TLR6: variants seen among roughly 807,000 people sequenced by gnomAD.
The protein encoded by TLR6 is toll-like receptor 6.
TLR6 carries 9 observed loss-of-function variants against 16.1 expected under a neutral mutation model. The observed-to-expected ratio is 0.56, with a 90% CI of 0.34 to 0.98. The LOEUF is 0.98. Among genes scored for constraint, TLR6 ranks in the 50% least tolerant of loss-of-function variants. The pLI, the probability that TLR6 is intolerant of heterozygous loss-of-function variation, is 0.02. For synonymous variants in TLR6, 340 were observed against 338.6 expected (o/e 1.00, Z -0.04); for missense variants, 786 against 921.0 (o/e 0.85, Z 1.90).
Position 38,838,483 on chromosome 4 carries a change from T to C in TLR6, c.-64-8946A>G, listed in dbSNP as rs373486826. On this transcript the variant is annotated intron_variant, in intron 1 of 1. Transcript: ENST00000436693. The stretch of plus-strand genomic sequence containing the variant: ...CCTGGAGGTCATTACATTAGCAAAA[T>C]AAGCCAGGCACAGAAAGGCAAATAT... Among the ~76,000 whole-genome samples, 114 of 152,262 alleles carry C rather than the reference T, an allele frequency of 7.5e-4. 2 individuals carry two copies. The South Asian group carries it at 0.023, about 30-fold the overall frequency.
chr4:38,824,565 C>A (rs1224868600), exon 2 of TLR6: 1 of 151,862 alleles, frequency 6.6e-6, no homozygotes, highest in Non-Finnish European at 1.5e-5. Flanking sequence ...TTTTTTTTGT[C>A]GTTGTTGTTA....
In TLR6 at chr4:38,856,799, A is replaced by C. The variant is rs1333317944; in HGVS notation, c.-103T>G. On this transcript the variant is annotated 5_prime_UTR_variant, in exon 1 of 2. It adds an upstream start codon to the 5' untranslated region. Coordinates refer to ENST00000436693, the Ensembl canonical transcript of TLR6. ...TCAGAAGAAGAGAAAATAACTTGTA[A>C]ATGAACGGAAATACAATTGAAAATG... The C allele has an allele frequency of 6.6e-6, 1 of 151,680 alleles. No individual in the cohort carries two copies. Among genetic ancestry groups the C allele is most frequent in the Non-Finnish European group, 1.5e-5 (1 of 68,042 alleles). 9.4% of individuals were successfully genotyped at this position (151,680 alleles called of 1,614,324 possible).
At chr4:38,842,826 G>A (rs916241386) in intron 1 of TLR6, among the ~76,000 whole-genome samples, 1 of 151,812 alleles carries the variant, frequency 6.6e-6, no homozygotes, top group Non-Finnish European at 1.5e-5. Context: ...AAACATTCGG[G>A]CCATAGCAAT....
chr4:38,851,225 G>A (rs191202957), intron 1 of TLR6, among the ~76,000 whole-genome samples: 31 of 152,170 alleles, frequency 2.0e-4, no homozygotes, highest in Non-Finnish European at 3.2e-4. Context: ...TTGATGGGAC[G>A]TATCTCAAAA....
At position 38,839,309 on chromosome 4, in the gene TLR6, T is replaced by TAA. The variant is rs148750205; in HGVS notation, c.-64-9773_-64-9772insTT. Among the ~76,000 whole-genome samples, 790 of 119,312 alleles carry TAA rather than the reference T, an allele frequency of 6.6e-3. 8 individuals are homozygous for TAA. The highest frequency in any genetic ancestry group is 0.032 in the African/African-American group (728 of 22,420). 78.3% of individuals were successfully genotyped at this position (119,312 alleles called of 152,430 possible). A position where few individuals can be genotyped will look rare whatever the true frequency, so the allele number is the denominator to read the frequency against. On this transcript the variant is annotated intron_variant, in intron 1 of 1. Transcript: ENST00000436693. Reference sequence around the variant, plus strand: ...AAAAATAAAGTCTATTGATTTTTTTTTAAAAAAAATTAATAGAAATGGAAA... The same window carrying TAA: ...AAAAATAAAGTCTATTGATTTTTTTTAATAAAAAAAATTAATAGAAATGGAAA...
rs5743796 is a variant in TLR6 at position 38,830,778 on chromosome 4, T to G, written c.-64-1241A>C. Among the ~76,000 whole-genome samples, 91 of 152,110 alleles carry G rather than the reference T, an allele frequency of 6.0e-4. No homozygotes were observed. In the Middle Eastern group the frequency reaches 0.044, roughly 74 times the overall value. On this transcript the variant is annotated intron_variant, in intron 1 of 1. Coordinates refer to ENST00000436693, the Ensembl canonical transcript of TLR6. ...GGGGGACAGAATTTGATTTCTAGAG[T>G]TACCTCATTGTAGTGTTTAAAATGT... is the stretch of plus-strand genomic sequence containing the variant.
intron 1 of TLR6, among the ~76,000 whole-genome samples, chr4:38,854,158 A>G (rs1712873672): frequency 6.6e-6 from 1 of 152,222 alleles, no homozygotes; most frequent in Non-Finnish European, 1.5e-5. Context: ...AATAATATGA[A>G]TAATGTGCAA....
chr4:38,849,403 G>A (rs1480484924), intron 1 of TLR6, among the ~76,000 whole-genome samples: 1 of 152,184 alleles, frequency 6.6e-6, no homozygotes, highest in Non-Finnish European at 1.5e-5. Context: ...ACATCATAAT[G>A]ACAGATCAAA....
At chr4:38,859,810 C>A (rs570441402), upstream of TLR6, among the ~76,000 whole-genome samples, 116 of 152,196 alleles carry the variant, frequency 7.6e-4, no homozygotes, top group Middle Eastern at 0.014. Flanking sequence ...AAACAATCCG[C>A]CCACCTCAGC....
intron 1 of TLR6, among the ~76,000 whole-genome samples, chr4:38,840,159 G>A (rs534531872): frequency 9.9e-5 from 15 of 152,178 alleles, no homozygotes; most frequent in Non-Finnish European, 1.9e-4. Flanking sequence ...TCAGTTGAGA[G>A]GATTGGCCAC....
In TLR6 at chr4:38,835,668, C is replaced by T. The variant is rs76849018; in HGVS notation, c.-64-6131G>A. On this transcript the variant is annotated intron_variant, in intron 1 of 1. Coordinates refer to ENST00000436693, the Ensembl canonical transcript of TLR6. ...TTTCATCTGATAGCTGCAGAGTACA[C>T]ATTCTTCTCATCAGTGCATGGAACA... Among the ~76,000 whole-genome samples, 728 of 152,342 alleles carry T rather than the reference C, an allele frequency of 4.8e-3. 3 individuals are homozygous for T. Among genetic ancestry groups the T allele is most frequent in the African/African-American group, 0.017 (690 of 41,584 alleles).
At chr4:38,847,943 C>A (rs1230799623) in intron 1 of TLR6, among the ~76,000 whole-genome samples, 1 of 152,174 alleles carries the variant, frequency 6.6e-6, no homozygotes, top group African/African-American at 2.4e-5. Context: ...TAGTGGTTCT[C>A]CCAGCACAGA....
chr4:38,837,109 T>C (rs1486545212), intron 1 of TLR6, among the ~76,000 whole-genome samples: 1 of 151,976 alleles, frequency 6.6e-6, no homozygotes, highest in South Asian at 2.1e-4. Context: ...TGGAAAGACA[T>C]CCCATGTTCA....
At chr4:38,865,248 T>C in the TLR6 span, among the ~76,000 whole-genome samples, 46 of 152,352 alleles carry the variant, frequency 3.0e-4, no homozygotes, top group South Asian at 8.5e-3. Flanking sequence ...ATTCTTTACT[T>C]TTCTATATAT....
chr4:38,841,600 A>G (rs1211986490), intron 1 of TLR6, among the ~76,000 whole-genome samples: 2 of 152,200 alleles, frequency 1.3e-5, no homozygotes, highest in Non-Finnish European at 2.9e-5. Context: ...TTTCTCAATA[A>G]ATGAACAGAA....
At chr4:38,841,860 T>C (rs1176492714) in intron 1 of TLR6, among the ~76,000 whole-genome samples, 1 of 152,216 alleles carries the variant, frequency 6.6e-6, no homozygotes, top group Non-Finnish European at 1.5e-5. Flanking sequence ...GTGTTCATGC[T>C]TGCAAAAATA....
intron 1 of TLR6, among the ~76,000 whole-genome samples, chr4:38,849,866 T>A (rs923053247): frequency 2.0e-5 from 3 of 152,188 alleles, no homozygotes; most frequent in Non-Finnish European, 2.9e-5. Context: ...GGAATTGAAC[T>A]CAGCTCTGCA....
chr4:38,851,341 C>T (rs1282693069), intron 1 of TLR6, among the ~76,000 whole-genome samples: 2 of 152,202 alleles, frequency 1.3e-5, no homozygotes, highest in Non-Finnish European at 2.9e-5. Flanking sequence ...TGCCCCCTCT[C>T]ACCACTCCTA....
At chr4:38,862,545 T>C in the TLR6 span, among the ~76,000 whole-genome samples, 1 of 150,972 alleles carries the variant, frequency 6.6e-6, no homozygotes, top group African/African-American at 2.4e-5. Flanking sequence ...CCTCCCAAAG[T>C]GCTGGGATTA....
Sources: gnomAD v4.1 joint callset for allele counts (sites outside exome capture counted in the v4.1 genomes callset) on GRCh38, gnomAD v4.1.1 for gene constraint, MANE v1.5 for transcripts, NCBI Gene and HGNC (gene_info 2026-07-23, HGNC 2026-07-21) for gene names.